The following SIMC1 variants were observed in gnomAD, a reference collection of about 807,000 sequenced individuals.
SIMC1 encodes the protein SUMO interacting motifs containing 1, also known as SUMO-interacting motif-containing protein 1.
In SIMC1, 55 loss-of-function variants were observed where a neutral mutation model predicts 82.3. That is an observed-to-expected ratio of 0.67 (90% CI 0.54 to 0.84). The LOEUF (loss-of-function observed/expected upper bound fraction) is 0.84, where lower values mean the gene tolerates loss of function less well. SIMC1 is among the 40% of genes least tolerant of loss of function. SIMC1 has a pLI of 0.00. For synonymous variants in SIMC1, 353 were observed against 426.3 expected (o/e 0.83, Z 2.12); for missense variants, 915 against 1,107.2 (o/e 0.83, Z 2.46).
In SIMC1 at chr5:176,336,401, A is replaced by G. The variant is rs998159883; in HGVS notation, c.2172-319A>G. 8.5e-5 allele frequency among the ~76,000 whole-genome samples: 13 copies of G among 152,186 alleles called. No homozygotes were observed. In the South Asian group the frequency reaches 1.2e-3, roughly 15 times the overall value. On this transcript the variant is annotated intron_variant, in intron 7 of 9. Transcript: ENST00000429602. ...ATCTTAATATTCCTTGTTGTGCCAAATAGTATTTGGCACATCATTGGCATT... is the reference window on the plus strand; with the variant it reads ...ATCTTAATATTCCTTGTTGTGCCAAGTAGTATTTGGCACATCATTGGCATT...
At chr5:176,318,656 A>C (rs1765019556) in intron 5 of SIMC1, among the ~76,000 whole-genome samples, 1 of 152,212 alleles carries the variant, frequency 6.6e-6, no homozygotes, top group Non-Finnish European at 1.5e-5. Context: ...TATAGGAAGT[A>C]AAGTTTTTGA....
At chr5:176,344,480 CA>C (rs1766319553) in intron 9 of SIMC1, among the ~76,000 whole-genome samples, 1 of 96,452 alleles carries the variant, frequency 1.0e-5, no homozygotes, top group Non-Finnish European at 2.3e-5. Flanking sequence ...CACACACACA[CA>C]CACACACACA....
At chr5:176,307,322 G>A (rs1299716354) in intron 4 of SIMC1, among the ~76,000 whole-genome samples, 2 of 152,184 alleles carry the variant, frequency 1.3e-5, no homozygotes, top group African/African-American at 2.4e-5. Context: ...TCTTTTACAG[G>A]ACTGTGAATA....
rs1467033327 is a variant in SIMC1 at position 176,313,678 on chromosome 5, C to A, written c.1735-13C>A. ...TGAGAAGAAAGACTGACTTCTCATT[C>A]TTTTTCCCACAGGGACAAACTCTGC... On this transcript the variant is annotated splice_polypyrimidine_tract_variant and intron_variant, in intron 4 of 9. Transcript: ENST00000429602. The A allele has an allele frequency of 9.3e-6, 15 of 1,612,832 alleles. No individual in the cohort carries two copies. Among genetic ancestry groups the A allele is most frequent in the African/African-American group, 1.3e-5 (1 of 74,868 alleles).
intron 1 of SIMC1, among the ~76,000 whole-genome samples, chr5:176,278,902 TA>T (rs1762846436): frequency 6.6e-6 from 1 of 151,634 alleles, no homozygotes; most frequent in Admixed American, 6.6e-5. Flanking sequence ...GATATTGGTC[TA>T]AAAGTCTCTT....
chr5:176,251,739 T>C (rs1761661705), intron 1 of SIMC1, among the ~76,000 whole-genome samples: 3 of 151,576 alleles, frequency 2.0e-5, no homozygotes, highest in Admixed American at 2.0e-4. Flanking sequence ...CCTTCCGCAG[T>C]GTTTGTGTCC....
At chr5:176,311,817 A>G (rs1764676498) in intron 4 of SIMC1, among the ~76,000 whole-genome samples, 1 of 152,260 alleles carries the variant, frequency 6.6e-6, no homozygotes, top group Admixed American at 6.5e-5. Context: ...TATAACATTT[A>G]GAATCAATTT....
At chr5:176,263,858 A>G (rs1762097913) in intron 1 of SIMC1, among the ~76,000 whole-genome samples, 1 of 152,182 alleles carries the variant, frequency 6.6e-6, no homozygotes, top group Non-Finnish European at 1.5e-5. Flanking sequence ...AATTTCTTCC[A>G]GCTGTGAGCC....
chr5:176,289,571 C>A, intron 1 of SIMC1, 83 bp from the exon 2 acceptor site: 1 of 1,086,698 alleles, frequency 9.2e-7, no homozygotes, highest in Non-Finnish European at 1.3e-6. Context: ...TAATGCTTAT[C>A]CTTAAAAGCT....
intron 1 of SIMC1, among the ~76,000 whole-genome samples, chr5:176,246,446 GTGTT>G (rs1292456343): frequency 1.3e-4 from 18 of 136,864 alleles, no homozygotes; most frequent in Non-Finnish European, 2.1e-4. Flanking sequence ...GTGTGTGTGT[GTGTT>G]GTTTGTTTGT....
chr5:176,259,819 A>G (rs1761957485), intron 1 of SIMC1, among the ~76,000 whole-genome samples: 1 of 151,746 alleles, frequency 6.6e-6, no homozygotes, highest in African/African-American at 2.4e-5. Context: ...AGAAATTCTT[A>G]TGTAAGAACC....
chr5:176,335,096 CAAAA>C (rs879418049), intron 7 of SIMC1, among the ~76,000 whole-genome samples: 1 of 142,104 alleles, frequency 7.0e-6, no homozygotes, highest in African/African-American at 2.6e-5. Context: ...AACTCTGTCT[CAAAA>C]AAAAAAAAAT....
Position 176,263,276 on chromosome 5 carries a change from A to G in SIMC1, c.129+24639A>G, listed in dbSNP as rs539840832. 5 of 749,046 alleles carry G rather than the reference A, an allele frequency of 6.7e-6. No homozygotes were observed. In the African/African-American group the frequency reaches 7.3e-5, roughly 11 times the overall value. 46.4% of individuals were successfully genotyped at this position (749,046 alleles called of 1,614,324 possible). A position where few individuals can be genotyped will look rare whatever the true frequency, so the allele number is the denominator to read the frequency against. ...CCCAGCAATTTGTTCTATGAACATC[A>G]ACAAACTGATTGTAAAGTTTATATG... On this transcript the variant is annotated intron_variant, in intron 1 of 9. Coordinates refer to ENST00000429602, the MANE Select transcript of SIMC1 (RefSeq NM_001308195.2).
intron 7 of SIMC1, among the ~76,000 whole-genome samples, chr5:176,325,157 G>A (rs183051804): frequency 7.9e-5 from 12 of 151,846 alleles, no homozygotes; most frequent in Middle Eastern, 3.4e-3. Context: ...AGGACTAGGC[G>A]AGCAGATCAC....
intron 4 of SIMC1, among the ~76,000 whole-genome samples, chr5:176,299,546 C>G (rs1763955042): frequency 6.6e-6 from 1 of 152,080 alleles, no homozygotes; most frequent in Non-Finnish European, 1.5e-5. Flanking sequence ...CAAAGAAGGA[C>G]ATTATATAAT....
chr5:176,286,023 A>G (rs562372257), intron 1 of SIMC1, among the ~76,000 whole-genome samples: 123 of 152,330 alleles, frequency 8.1e-4, no homozygotes, highest in African/African-American at 2.6e-3. Flanking sequence ...ATGCTCATGG[A>G]TAGGAGGAAT....
At chr5:176,304,524 T>A (rs1370824220) in intron 4 of SIMC1, 1 of 155,688 alleles carries the variant, frequency 6.4e-6, no homozygotes, top group Non-Finnish European at 1.4e-5. Flanking sequence ...AGTGGCGTGA[T>A]CTCGGCTCAC....
rs749848042 is a variant in SIMC1 at position 176,295,105 on chromosome 5, C to T, written c.1507C>T (p.Pro503Ser). ...AACAAATACCATTGAAGAGAATTTTCCTCTGGGGACTGTGCAGTTTTTGAT... is the reference window on the plus strand; with the variant it reads ...AACAAATACCATTGAAGAGAATTTTTCTCTGGGGACTGTGCAGTTTTTGAT... ...MVTNTIEENF[P>S]LGTVQFLMDF... is the part of the protein sequence containing the mutation. The change falls in exon 3 of 10, where the codon CCT becomes TCT. Residue 503 changes from proline to serine, a missense_variant. Coordinates refer to ENST00000429602, the MANE Select transcript of SIMC1 (RefSeq NM_001308195.2). 5 of 1,613,510 alleles carry T rather than the reference C, an allele frequency of 3.1e-6. No individual in the cohort carries two copies. In the Admixed American group the frequency reaches 6.7e-5, roughly 22 times the overall value.
intron 1 of SIMC1, among the ~76,000 whole-genome samples, chr5:176,274,127 TAA>T (rs1279337109): frequency 6.7e-6 from 1 of 148,610 alleles, no homozygotes; most frequent in Non-Finnish European, 1.5e-5. Flanking sequence ...ACCAACAGTA[TAA>T]AAGTGTTCCT....
Sources: gnomAD v4.1 joint callset for allele counts (sites outside exome capture counted in the v4.1 genomes callset) on GRCh38, gnomAD v4.1.1 for gene constraint, MANE v1.5 for transcripts, NCBI Gene and HGNC (gene_info 2026-07-23, HGNC 2026-07-21) for gene names.